ELAVL2: variants seen among roughly 807,000 people sequenced by gnomAD.
The protein encoded by ELAVL2 is ELAV like RNA binding protein 2, also known as ELAV-like protein 2.
In ELAVL2, 4 loss-of-function variants were observed where a neutral mutation model predicts 34.6. That is an observed-to-expected ratio of 0.12 (90% CI 0.06 to 0.26). The LOEUF (loss-of-function observed/expected upper bound fraction) is 0.26. ELAVL2 is among the 10% of genes least tolerant of loss of function. ELAVL2 has a pLI of 1.00. For synonymous variants in ELAVL2, 193 were observed against 154.8 expected, an observed-to-expected ratio of 1.25 and a Z score of -1.83; for missense variants, 432 against 442.8, an observed-to-expected ratio of 0.98 and a Z score of 0.22.
rs543308339 is a variant in ELAVL2 at position 23,737,148 on chromosome 9, C to G, written c.230-6023G>C. Among the ~76,000 whole-genome samples the G allele has an allele frequency of 3.3e-5, 5 of 152,300 alleles. No individual in the cohort carries two copies. The South Asian group carries it at 6.2e-4, about 19-fold the overall frequency. On this transcript the variant is annotated intron_variant, in intron 2 of 6. Transcript: ENST00000397312. Reference sequence around the variant, plus strand: ...CACTAGACTGCTGAGCAAGGGCAAGCAGAACATAGTTCCTGACAAGGAGGA... The same window carrying G: ...CACTAGACTGCTGAGCAAGGGCAAGGAGAACATAGTTCCTGACAAGGAGGA...
intron 5 of ELAVL2, among the ~76,000 whole-genome samples, chr9:23,696,766 A>C (rs923174356): frequency 1.3e-5 from 2 of 152,126 alleles, no homozygotes; most frequent in Non-Finnish European, 2.9e-5. Context: ...CACCACGCCC[A>C]GCCATCTTTT....
At chr9:23,827,164 G>A (rs2065344943), upstream of ELAVL2, among the ~76,000 whole-genome samples, 1 of 152,202 alleles carries the variant, frequency 6.6e-6, no homozygotes, top group South Asian at 2.1e-4. Flanking sequence ...CTCTGCATTT[G>A]CAGACAGGTA....
chr9:23,816,441 G>A (rs1653936298), intron 1 of ELAVL2, among the ~76,000 whole-genome samples: 2 of 149,814 alleles, frequency 1.3e-5, no homozygotes, highest in African/African-American at 4.9e-5. Context: ...TAAAGTTGCT[G>A]AAATAATCTC....
At chr9:23,708,889 C>T (rs527385014) in intron 3 of ELAVL2, among the ~76,000 whole-genome samples, 3 of 152,066 alleles carry the variant, frequency 2.0e-5, no homozygotes, top group Non-Finnish European at 2.9e-5. Flanking sequence ...CAGCCCACCT[C>T]GGCCTCCCAA....
intron 2 of ELAVL2, among the ~76,000 whole-genome samples, chr9:23,747,638 A>AAAT (rs2050828738): frequency 1.3e-5 from 2 of 152,164 alleles, no homozygotes; most frequent in Non-Finnish European, 2.9e-5. Flanking sequence ...GAAACTCCCT[A>AAAT]CAAACATGAG....
At chr9:23,765,011 C>G (rs777529292) in intron 1 of ELAVL2, 19 of 1,608,656 alleles carry the variant, frequency 1.2e-5, no homozygotes, top group East Asian at 2.2e-5. Context: ...CCACAGACCC[C>G]GGTCCAAGGC....
intron 1 of ELAVL2, among the ~76,000 whole-genome samples, chr9:23,807,862 T>C (rs982248365): frequency 1.3e-5 from 2 of 152,128 alleles, no homozygotes; most frequent in African/African-American, 2.4e-5. Flanking sequence ...TTCAAAGCCA[T>C]GGGTAAAGAG....
chr9:23,695,768 T>G (rs1305926775), intron 5 of ELAVL2, among the ~76,000 whole-genome samples: 1 of 152,182 alleles, frequency 6.6e-6, no homozygotes, highest in Non-Finnish European at 1.5e-5. Context: ...TGCACAATAT[T>G]AGGATGACTA....
chr9:23,757,179 C>T (rs868391293), intron 2 of ELAVL2, among the ~76,000 whole-genome samples: 2 of 152,072 alleles, frequency 1.3e-5, no homozygotes, highest in African/African-American at 4.8e-5. Context: ...TTGGTGTATT[C>T]GTCAGTCCTT....
intron 1 of ELAVL2, among the ~76,000 whole-genome samples, chr9:23,795,939 A>G (rs1445055143): frequency 2.0e-5 from 3 of 152,280 alleles, no homozygotes; most frequent in Non-Finnish European, 4.4e-5. Flanking sequence ...AAACCGGGGG[A>G]AAAATGCATA....
intron 5 of ELAVL2, among the ~76,000 whole-genome samples, chr9:23,694,585 G>GT (rs2034440821): frequency 6.6e-6 from 1 of 152,194 alleles, no homozygotes; most frequent in South Asian, 2.1e-4. Flanking sequence ...CCCGTGAAAG[G>GT]TAAGTTTGAA....
At chr9:23,829,438 G>A (rs1184650259), upstream of ELAVL2, among the ~76,000 whole-genome samples, 4 of 152,180 alleles carry the variant, frequency 2.6e-5, no homozygotes, top group Non-Finnish European at 5.9e-5. Flanking sequence ...TACTTGTAAC[G>A]TTTTGTAAGT....
At chr9:23,781,696 T>G (rs2059089449) in intron 1 of ELAVL2, among the ~76,000 whole-genome samples, 1 of 151,590 alleles carries the variant, frequency 6.6e-6, no homozygotes, top group Admixed American at 6.6e-5. Context: ...TTAAATCTTT[T>G]TTTGTTTGTT....
chr9:23,692,644 G>A lies in ELAVL2; in HGVS notation c.993C>T (p.Ala331=). 6.2e-7 allele frequency: 1 copy of A among 1,614,174 alleles called. No individual in the cohort carries two copies. The highest frequency in any genetic ancestry group is 8.5e-7 in the Non-Finnish European group (1 of 1,180,000). Reference sequence around the variant, plus strand: ...ATCCATTGAGGCTAGCTATCGCCATGGCAGCCTCATCATAGTTTGTCATAG... The same window carrying A: ...ATCCATTGAGGCTAGCTATCGCCATAGCAGCCTCATCATAGTTTGTCATAG... ...FVTMTNYDEA[A]MAIASLNGYR... The change falls in exon 7 of 7, where the codon GCC becomes GCT. Residue 331 remains alanine (A), a synonymous_variant. Coordinates refer to ENST00000397312, the MANE Select transcript of ELAVL2 (RefSeq NM_004432.5).
intron 1 of ELAVL2, among the ~76,000 whole-genome samples, chr9:23,769,280 C>A (rs1424666972): frequency 6.6e-6 from 1 of 152,134 alleles, no homozygotes; most frequent in East Asian, 1.9e-4. Context: ...GCAGCAGGGA[C>A]AAAAGCACTC....
At chr9:23,696,877 T>C (rs2035452221) in intron 5 of ELAVL2, among the ~76,000 whole-genome samples, 1 of 151,956 alleles carries the variant, frequency 6.6e-6, no homozygotes, top group African/African-American at 2.4e-5. Context: ...ACGTAGTACA[T>C]ATGGAAGGTA....
intron 1 of ELAVL2, among the ~76,000 whole-genome samples, chr9:23,825,414 G>A (rs1355975260): frequency 2.0e-5 from 3 of 152,130 alleles, no homozygotes; most frequent in African/African-American, 7.2e-5. Context: ...CTTAATGATT[G>A]TAAAGCCTCT....
At chr9:23,735,388 C>T (rs1436314954) in intron 2 of ELAVL2, 1 of 152,212 alleles carries the variant, frequency 6.6e-6, no homozygotes, top group East Asian at 1.9e-4. Context: ...AGCGATTCTT[C>T]TGCCTCGGCC....
intron 1 of ELAVL2, among the ~76,000 whole-genome samples, chr9:23,780,894 G>C (rs1448537446): frequency 1.3e-5 from 2 of 152,184 alleles, no homozygotes; most frequent in East Asian, 3.9e-4. Context: ...TCAGGGTTAG[G>C]AGTGGCCTCA....
Sources: allele counts gnomAD v4.1 joint callset (sites outside exome capture counted in the v4.1 genomes callset), GRCh38; gene constraint gnomAD v4.1.1; transcripts MANE v1.5; gene names NCBI Gene and HGNC (gene_info 2026-07-23, HGNC 2026-07-21).